RBMS1: variants seen among roughly 807,000 people sequenced by gnomAD.
RBMS1 encodes RNA-binding motif, single-stranded-interacting protein 1.
In RBMS1, 17 loss-of-function variants were observed where a neutral mutation model predicts 62.3. That is an observed-to-expected ratio of 0.27 (90% confidence interval 0.19 to 0.41). The LOEUF is 0.41. Ranked by LOEUF, RBMS1 falls within the 10% of genes least tolerant of loss-of-function variation. The pLI, the probability that RBMS1 is intolerant of heterozygous loss-of-function variation, is 1.00. For synonymous variants in RBMS1, 172 were observed against 170.0 expected, an observed-to-expected ratio of 1.01 and a Z score of -0.09; for missense variants, 334 against 504.5, an observed-to-expected ratio of 0.66 and a Z score of 3.24.
At chr2:160,446,060 A>C (rs1203931979) in intron 1 of RBMS1, among the ~76,000 whole-genome samples, 4 of 152,212 alleles carry the variant, frequency 2.6e-5, no homozygotes, top group African/African-American at 9.6e-5. Flanking sequence ...GGGCAAGAAT[A>C]GTTTTCTTTC....
chr2:160,475,070 T>G (rs890098563), intron 1 of RBMS1, among the ~76,000 whole-genome samples: 1 of 152,224 alleles, frequency 6.6e-6, no homozygotes, highest in Non-Finnish European at 1.5e-5. Flanking sequence ...TGTTTTGCAA[T>G]AGACCTGTAA....
intron 1 of RBMS1, among the ~76,000 whole-genome samples, chr2:160,426,293 A>AAAGAAAGAAAG (rs1559537439): frequency 1.7e-5 from 1 of 60,344 alleles, no homozygotes; most frequent in East Asian, 5.2e-4. Context: ...AAGAAAGAAA[A>AAAGAAAGAAAG]GAAAGAAGGA....
At chr2:160,314,314 C>G (rs1310771378) in intron 3 of RBMS1, among the ~76,000 whole-genome samples, 3 of 151,976 alleles carry the variant, frequency 2.0e-5, no homozygotes, top group Non-Finnish European at 4.4e-5. Flanking sequence ...CGAAACGGTA[C>G]CAGGCAAAAT....
At chr2:160,286,505 A>G (rs1001363826) in intron 7 of RBMS1, among the ~76,000 whole-genome samples, 12 of 151,786 alleles carry the variant, frequency 7.9e-5, no homozygotes, top group Non-Finnish European at 1.8e-4. Context: ...TTTTTAGTAG[A>G]GACGGGGTTT....
At chr2:160,284,462 A>G in intron 9 of RBMS1, 1 of 363,332 alleles carries the variant, frequency 2.8e-6, no homozygotes, top group East Asian at 6.4e-5. Context: ...AATTATCTTA[A>G]GTTTCAATTT....
At chr2:160,278,707 T>C in intron 10 of RBMS1, 49 bp from the exon 11 acceptor site, 1 of 1,152,346 alleles carries the variant, frequency 8.7e-7, no homozygotes, top group Non-Finnish European at 1.3e-6. Flanking sequence ...AGGCAAGAGT[T>C]AAGATCCTGT....
At chr2:160,448,380 A>C (rs1392769909) in intron 1 of RBMS1, among the ~76,000 whole-genome samples, 7 of 144,790 alleles carry the variant, frequency 4.8e-5, no homozygotes, top group Admixed American at 3.0e-4. Context: ...ATCTCGGCTC[A>C]CTGCAACCTC....
At chr2:160,430,909 G>C (rs1682866581) in intron 1 of RBMS1, among the ~76,000 whole-genome samples, 1 of 151,564 alleles carries the variant, frequency 6.6e-6, no homozygotes, top group Admixed American at 6.6e-5. Flanking sequence ...AAATAATGAT[G>C]GGGCGCTTAG....
At chr2:160,358,282 G>A (rs920082468) in intron 2 of RBMS1, among the ~76,000 whole-genome samples, 3 of 152,128 alleles carry the variant, frequency 2.0e-5, no homozygotes, top group African/African-American at 7.2e-5. Context: ...TGTCCATGAT[G>A]AGAGAATTGA....
chr2:160,476,443 T>C (rs1559599292), intron 1 of RBMS1, among the ~76,000 whole-genome samples: 1 of 152,140 alleles, frequency 6.6e-6, no homozygotes, highest in South Asian at 2.1e-4. Flanking sequence ...ATATTCCTCT[T>C]TATCATGTTG....
chr2:160,472,358 A>G (rs1263927236), intron 1 of RBMS1, among the ~76,000 whole-genome samples: 3 of 152,178 alleles, frequency 2.0e-5, no homozygotes, highest in African/African-American at 4.8e-5. Flanking sequence ...TCTCTTAAAT[A>G]TTTCTATTTT....
intron 2 of RBMS1, among the ~76,000 whole-genome samples, chr2:160,357,269 A>C (rs956713104): frequency 6.6e-6 from 1 of 152,112 alleles, no homozygotes; most frequent in African/African-American, 2.4e-5. Flanking sequence ...CGGCTCCCCA[A>C]TTAACTTCTG....
chr2:160,393,962 C>A (rs10754965), intron 1 of RBMS1, among the ~76,000 whole-genome samples: 2 of 151,926 alleles, frequency 1.3e-5, no homozygotes, highest in African/African-American at 2.4e-5. Context: ...GTATACTACA[C>A]TTCTTTTGTA....
At chr2:160,434,880 T>G (rs372159566) in intron 1 of RBMS1, among the ~76,000 whole-genome samples, 200 of 152,266 alleles carry the variant, frequency 1.3e-3, no homozygotes, top group African/African-American at 4.6e-3. Flanking sequence ...GAGCTTGGAC[T>G]ACAAATAAAT....
rs1696237978 is a variant in RBMS1 at position 160,417,081 on chromosome 2, C to A, written c.76-49690G>T. Among the ~76,000 whole-genome samples, 4 of 152,226 alleles carry A rather than the reference C, an allele frequency of 2.6e-5. No homozygotes were observed. The South Asian group carries it at 8.3e-4, about 32-fold the overall frequency. On this transcript the variant is annotated intron_variant, in intron 1 of 13. Coordinates refer to ENST00000348849, the MANE Select transcript of RBMS1 (RefSeq NM_016836.4). ...CAATTTAACTTAACCTAATGTCCTG[C>A]ACATAGTTATGTTTTGTTGCAGGCA...
At chr2:160,438,257 CTTTCT>C (rs140917296) in intron 1 of RBMS1, among the ~76,000 whole-genome samples, 40,676 of 142,336 alleles carry the variant, frequency 0.29, 5,893 homozygotes, top group East Asian at 0.58. Context: ...AGGCTCAATA[CTTTCT>C]TTTTTTTTTT....
intron 1 of RBMS1, among the ~76,000 whole-genome samples, chr2:160,444,906 T>G (rs1292021970): frequency 6.6e-6 from 1 of 152,156 alleles, no homozygotes; most frequent in Non-Finnish European, 1.5e-5. Context: ...CTGACCATGC[T>G]GGCACCCCGA....
intron 2 of RBMS1, among the ~76,000 whole-genome samples, chr2:160,322,754 C>T (rs1018726485): frequency 5.9e-5 from 9 of 152,198 alleles, no homozygotes; most frequent in Non-Finnish European, 1.2e-4. Flanking sequence ...AATACAGACC[C>T]CAGAACTAGA....
At chr2:160,428,524 A>G (rs1038638165) in intron 1 of RBMS1, among the ~76,000 whole-genome samples, 13 of 152,220 alleles carry the variant, frequency 8.5e-5, no homozygotes, top group Non-Finnish European at 1.6e-4. Context: ...AGAAGAAGAA[A>G]AAAACTCTAT....
Sources: gnomAD v4.1 joint callset for allele counts (sites outside exome capture counted in the v4.1 genomes callset) on GRCh38, gnomAD v4.1.1 for gene constraint, MANE v1.5 for transcripts, NCBI Gene and HGNC (gene_info 2026-07-23, HGNC 2026-07-21) for gene names.